Variants in KPNA6 observed in about 807,000 individuals in gnomAD.
KPNA6 encodes the protein importin subunit alpha-7.
KPNA6 carries 9 observed loss-of-function variants against 72.0 expected under a neutral mutation model. The ratio of observed to expected loss-of-function variants is 0.13; its 90% confidence interval spans 0.08 to 0.22. The LOEUF (loss-of-function observed/expected upper bound fraction) is 0.22, where lower values mean the gene tolerates loss of function less well. KPNA6 is among the 10% of genes least tolerant of loss of function. KPNA6 has a pLI of 1.00. For synonymous variants in KPNA6, 219 were observed against 242.1 expected (o/e 0.90, Z 0.89); for missense variants, 374 against 655.7 (o/e 0.57, Z 4.69).
rs1470319201 is a variant in KPNA6 at position 32,157,509 on chromosome 1, G to T, written c.331+64G>T. On this transcript the variant is annotated intron_variant, in intron 4 of 13. Transcript: ENST00000373625. ...TTTAGCCTCTTTTCTCTTCACTGAT[G>T]TCATCAACTTACACGTGCCCTCACT... The T allele has an allele frequency of 5.9e-6, 7 of 1,185,956 alleles. No individual in the cohort carries two copies. The Admixed American group carries it at 1.2e-4, about 21-fold the overall frequency. The allele number at this position is 1,185,956 out of a possible 1,614,324, so 73.5% of individuals were successfully genotyped here.
At chr1:32,116,588 G>T (rs1641333096) in intron 1 of KPNA6, among the ~76,000 whole-genome samples, 1 of 152,110 alleles carries the variant, frequency 6.6e-6, no homozygotes, top group African/African-American at 2.4e-5. Context: ...AACCCAGGAG[G>T]TGGAGGTTTC....
chr1:32,154,817 T>G (rs1011781467), intron 2 of KPNA6, 96 bp downstream of exon 2: 1 of 1,337,872 alleles, frequency 7.5e-7, no homozygotes, highest in East Asian at 2.3e-5. Context: ...TGTAGAAAAG[T>G]AGCTTACTAG....
At position 32,172,209 on chromosome 1, in the gene KPNA6, C is replaced by G. The variant is rs542125438; in HGVS notation, c.*1315C>G. 6.6e-6 allele frequency: 1 copy of G among 152,080 alleles called. No homozygotes were observed. The highest frequency in any genetic ancestry group is 1.5e-5 in the Non-Finnish European group (1 of 68,022). The allele number at this position is 152,080 out of a possible 1,614,324, so 9.4% of individuals were successfully genotyped here. On this transcript the variant is annotated 3_prime_UTR_variant, in exon 14 of 14. Coordinates refer to ENST00000373625, the MANE Select transcript of KPNA6 (RefSeq NM_012316.5). The stretch of plus-strand genomic sequence containing the variant: ...GAGGCCTGAGCTTGGTCCTTTTCCT[C>G]TCTGCTTGGATTCTGGACCACCACC...
chr1:32,157,285 A>G (rs979582219), intron 3 of KPNA6, 61 bp from the exon 4 acceptor site: 1 of 1,273,108 alleles, frequency 7.9e-7, no homozygotes. Flanking sequence ...AAGCAGTATT[A>G]TGTGCTCACA....
intron 7 of KPNA6, 43 bp downstream of exon 7, chr1:32,160,746 G>A (rs1481951317): frequency 1.4e-6 from 2 of 1,466,472 alleles, no homozygotes; most frequent in South Asian, 2.3e-5. Flanking sequence ...CTACTGGGTG[G>A]CCACGTGGCA....
chr1:32,155,326 C>CTT lies in KPNA6; in HGVS notation c.138+617_138+618dup, dbSNP rs1313895233. 2.5e-3 allele frequency among the ~76,000 whole-genome samples: 338 copies of CTT among 133,376 alleles called. 1 individual carries two copies. The highest frequency in any genetic ancestry group is 9.0e-3 in the African/African-American group (328 of 36,400). The allele number at this position is 133,376 out of a possible 152,430, so 87.5% of individuals were successfully genotyped here. A position where few individuals can be genotyped will look rare whatever the true frequency, so the allele number is the denominator to read the frequency against. Reference sequence around the variant, plus strand: ...TTACCTTTTCTTTTCTTTTTTTTTTCTTTTTTTTTTTTTGAGACGGAGTCT... The same window carrying CTT: ...TTACCTTTTCTTTTCTTTTTTTTTTCTTTTTTTTTTTTTTTGAGACGGAGTCT... On this transcript the variant is annotated intron_variant, in intron 2 of 13. Transcript: ENST00000373625.
rs71006334 is a variant in KPNA6 at position 32,141,375 on chromosome 1, C to CTTTTTTTTT, written c.5-13181_5-13173dup. ...AGGGCTTTTTTTTTTTAAGTTAATC[C>CTTTTTTTTT]TTTTTTTTTTTTTTTTTTTTTTTTT... On this transcript the variant is annotated intron_variant, in intron 1 of 13. Transcript: ENST00000373625. 2.0e-3 allele frequency among the ~76,000 whole-genome samples: 107 copies of CTTTTTTTTT among 54,466 alleles called. 31 individuals are homozygous for CTTTTTTTTT. The highest frequency in any genetic ancestry group is 3.3e-3 in the Non-Finnish European group (82 of 25,164). The allele number at this position is 54,466 out of a possible 152,430, so 35.7% of individuals were successfully genotyped here.
rs1416837872 is a variant in KPNA6, at chr1:32,176,180, CTTTGACCTATTAAAGA to C, written c.*5287_*5302del. 6.6e-6 allele frequency: 1 copy of C among 151,898 alleles called. No individual in the cohort carries two copies. The allele number at this position is 151,898 out of a possible 1,614,324, so 9.4% of individuals were successfully genotyped here. A position where few individuals can be genotyped will look rare whatever the true frequency, so the allele number is the denominator to read the frequency against. Reference sequence around the variant, plus strand: ...TTTAGCCAGCTTTTGTGGGAATTGCCTTTGACCTATTAAAGAAGGAAAGTGGGTAATGGAGTCCCAG... The same window carrying C: ...TTTAGCCAGCTTTTGTGGGAATTGCCAGGAAAGTGGGTAATGGAGTCCCAG... On this transcript the variant is annotated 3_prime_UTR_variant, in exon 14 of 14. Transcript: ENST00000373625.
Position 32,172,587 on chromosome 1 carries a change from T to G in KPNA6, c.*1693T>G, listed in dbSNP as rs1642457801. ...GGTTTTCCCTTCCTTGTGACAATTATAATCCAGATGCCTCTTCTTTCTGTT... is the reference window on the plus strand; with the variant it reads ...GGTTTTCCCTTCCTTGTGACAATTAGAATCCAGATGCCTCTTCTTTCTGTT... On this transcript the variant is annotated 3_prime_UTR_variant, in exon 14 of 14. Coordinates refer to ENST00000373625, the MANE Select transcript of KPNA6 (RefSeq NM_012316.5). The G allele has an allele frequency of 6.6e-6, 1 of 152,046 alleles. No individual in the cohort carries two copies. The highest frequency in any genetic ancestry group is 6.6e-5 in the Admixed American group (1 of 15,220). The allele number at this position is 152,046 out of a possible 1,614,324, so 9.4% of individuals were successfully genotyped here.
At chr1:32,128,426 T>TATATAC (rs1491304508) in intron 1 of KPNA6, among the ~76,000 whole-genome samples, 238 of 99,048 alleles carry the variant, frequency 2.4e-3, no homozygotes, top group East Asian at 4.8e-3. Context: ...TATATATATA[T>TATATAC]ACACACACAC....
chr1:32,140,467 A>G (rs954861544), intron 1 of KPNA6, among the ~76,000 whole-genome samples: 4 of 152,172 alleles, frequency 2.6e-5, no homozygotes, highest in African/African-American at 7.2e-5. Flanking sequence ...GACATTTACA[A>G]TTTTCAAATG....
chr1:32,135,802 TGAA>T lies in KPNA6; in HGVS notation c.5-18783_5-18781del, dbSNP rs1162851697. On this transcript the variant is annotated intron_variant, in intron 1 of 13. Transcript: ENST00000373625. ...TGGGGTTTTTTTTTTTTTAGGATGA[TGAA>T]GATGTTCTAAAATTGTGCTAGTGGT... is the stretch of plus-strand genomic sequence containing the variant. 2.6e-5 allele frequency among the ~76,000 whole-genome samples: 4 copies of T among 151,764 alleles called. No homozygotes were observed. In the South Asian group the frequency reaches 8.3e-4, roughly 32 times the overall value.
chr1:32,147,650 C>CTTTTTTTTTTTTT (rs915571659), intron 1 of KPNA6, among the ~76,000 whole-genome samples: 6 of 81,882 alleles, frequency 7.3e-5, no homozygotes, highest in Non-Finnish European at 9.5e-5. Flanking sequence ...GATTTCTTTT[C>CTTTTTTTTTTTTT]TTTTTTTTTT....
chr1:32,170,795 A>G lies in KPNA6; in HGVS notation c.1512A>G (p.Val504=). Residue 504 remains valine, a synonymous_variant, in exon 14 of 14, where the codon GTA becomes GTG. Coordinates refer to ENST00000373625, the MANE Select transcript of KPNA6 (RefSeq NM_012316.5). The part of the protein sequence containing the change: ...AFDLIEHYFG[V]EDDDSSLAPQ... Reference sequence around the variant, plus strand: ...ACCTCATTGAGCACTACTTTGGTGTAGAAGACGATGATAGCAGCCTGGCTC... The same window carrying G: ...ACCTCATTGAGCACTACTTTGGTGTGGAAGACGATGATAGCAGCCTGGCTC... 1 of 1,614,226 alleles carries G rather than the reference A, an allele frequency of 6.2e-7. No individual in the cohort carries two copies. Among genetic ancestry groups the G allele is most frequent in the Non-Finnish European group, 8.5e-7 (1 of 1,180,028 alleles).
At chr1:32,121,910 TTGCTGTGAACTGAGATCG>T (rs1272661504) in intron 1 of KPNA6, among the ~76,000 whole-genome samples, 3 of 151,588 alleles carry the variant, frequency 2.0e-5, no homozygotes, top group Non-Finnish European at 4.4e-5. Context: ...GAGGCAGAGG[TTGCTGTGAACTGAGATCG>T]TGCCACTGCC....
In KPNA6 at chr1:32,158,600, A is replaced by G. The variant is rs1009634973; in HGVS notation, c.426+239A>G. On this transcript the variant is annotated intron_variant, in intron 5 of 13. Transcript: ENST00000373625. ...AGTTATTATTGACTATAGTCACCCTATTGTGTTACCAAATAGTAGGTCTTA... is the reference window on the plus strand; with the variant it reads ...AGTTATTATTGACTATAGTCACCCTGTTGTGTTACCAAATAGTAGGTCTTA... 7.2e-5 allele frequency among the ~76,000 whole-genome samples: 11 copies of G among 152,146 alleles called. No homozygotes were observed. The East Asian group carries it at 1.2e-3, about 16-fold the overall frequency.
chr1:32,109,486 GT>G (rs559636567), intron 1 of KPNA6, among the ~76,000 whole-genome samples: 29 of 144,636 alleles, frequency 2.0e-4, no homozygotes, highest in Non-Finnish European at 2.6e-4. Context: ...TTTTTGTTTT[GT>G]TTTTTTTTTT....
rs1642477734 is a variant in KPNA6 at position 32,173,665 on chromosome 1, T to A, written c.*2771T>A. 6.6e-6 allele frequency: 1 copy of A among 152,170 alleles called. No individual in the cohort carries two copies. The allele number at this position is 152,170 out of a possible 1,614,324, so 9.4% of individuals were successfully genotyped here. ...CCTTTGGCCATGTAATGAAGCAAAATATTATTTATTTAGCCCAGGCTTGAG... is the reference window on the plus strand; with the variant it reads ...CCTTTGGCCATGTAATGAAGCAAAAAATTATTTATTTAGCCCAGGCTTGAG... On this transcript the variant is annotated 3_prime_UTR_variant, in exon 14 of 14. Transcript: ENST00000373625.
chr1:32,141,535 T>G lies in KPNA6; in HGVS notation c.5-13053T>G, dbSNP rs185126700. On this transcript the variant is annotated intron_variant, in intron 1 of 13. Transcript: ENST00000373625. ...GTCTCAGCCTCCCAAGTGGCTGGGA[T>G]TACAGGCACCCACCATCATGCCTGG... Among the ~76,000 whole-genome samples, 18 of 151,692 alleles carry G rather than the reference T, an allele frequency of 1.2e-4. No individual in the cohort carries two copies. In the East Asian group the frequency reaches 3.5e-3, roughly 29 times the overall value.
Sources: allele counts gnomAD v4.1 joint callset (sites outside exome capture counted in the v4.1 genomes callset), GRCh38; gene constraint gnomAD v4.1.1; transcripts MANE v1.5; gene names NCBI Gene and HGNC (gene_info 2026-07-23, HGNC 2026-07-21).